The following PSG7 variants were observed in gnomAD, a reference collection of about 807,000 sequenced individuals.
PSG7 encodes the protein pregnancy specific beta-1-glycoprotein 7.
In PSG7, 57 loss-of-function variants were observed where a neutral mutation model predicts 45.6. That is an observed-to-expected ratio of 1.25 (90% CI 1.01 to 1.56). The LOEUF (loss-of-function observed/expected upper bound fraction) is 1.56. Among genes scored for constraint, PSG7 ranks in the 40% most tolerant of loss-of-function variants. PSG7 has a pLI of 0.00. For missense variants in PSG7, 796 were observed against 508.4 expected (o/e 1.57, Z -5.44); for synonymous variants, 298 against 194.4 (o/e 1.53, Z -4.43).
intron 2 of PSG7, among the ~76,000 whole-genome samples, chr19:42,934,388 A>T (rs967820510): frequency 1.3e-5 from 2 of 150,732 alleles, no homozygotes; most frequent in African/African-American, 2.5e-5. Flanking sequence ...CTTCTGGTGG[A>T]GGAGAGGATG....
intron 1 of PSG7, 89 bp downstream of exon 1, chr19:42,936,924 T>G: frequency 6.4e-7 from 1 of 1,564,028 alleles, no homozygotes; most frequent in Non-Finnish European, 8.8e-7. Context: ...TGGCTTCTTT[T>G]ATTTTTTAGA....
At chr19:42,929,319 C>A in intron 3 of PSG7, 123 bp downstream of exon 3, 3 of 1,582,846 alleles carry the variant, frequency 1.9e-6, no homozygotes, top group Non-Finnish European at 2.6e-6. Context: ...AAGTCACCAC[C>A]AGCTTTGATG....
rs1568461441 is a variant in PSG7, at chr19:42,935,915, A to ACACACAAAC, written c.65-147_65-146insGTTTGTGTG. On this transcript the variant is annotated intron_variant, in intron 1 of 5. Coordinates refer to ENST00000406070, the MANE Select transcript of PSG7 (RefSeq NM_002783.3). ...ACACACACACACACACACACACACA[A>ACACACAAAC]ACACACACACACACATATAAAAGGG... 8 of 322,626 alleles carry ACACACAAAC rather than the reference A, an allele frequency of 2.5e-5. 1 individual carries two copies. Among genetic ancestry groups the ACACACAAAC allele is most frequent in the Middle Eastern group, 1.0e-3 (1 of 1,000 alleles). The allele number at this position is 322,626 out of a possible 1,614,324, so 20.0% of individuals were successfully genotyped here. A position where few individuals can be genotyped will look rare whatever the true frequency, so the allele number is the denominator to read the frequency against.
At chr19:42,930,280 T>A (rs1440428298) in intron 2 of PSG7, among the ~76,000 whole-genome samples, 2 of 151,508 alleles carry the variant, frequency 1.3e-5, no homozygotes, top group Admixed American at 1.3e-4. Flanking sequence ...GTCAGTTCAG[T>A]CATCAGGCAG....
At position 42,924,730 on chromosome 19, in the gene PSG7, A is replaced by C; in HGVS notation, c.*78T>G. ...ACATTGAGTTGTCCAACTCTGACTTATAGGGCTTCTGGAACAGAGTGGGTC... is the reference window on the plus strand; with the variant it reads ...ACATTGAGTTGTCCAACTCTGACTTCTAGGGCTTCTGGAACAGAGTGGGTC... On this transcript the variant is annotated 3_prime_UTR_variant, in exon 6 of 6. Coordinates refer to ENST00000406070, the MANE Select transcript of PSG7 (RefSeq NM_002783.3). The C allele has an allele frequency of 1.3e-6, 1 of 767,448 alleles. No individual in the cohort carries two copies. Among genetic ancestry groups the C allele is most frequent in the Non-Finnish European group, 2.4e-6 (1 of 417,494 alleles). 47.5% of individuals were successfully genotyped at this position (767,448 alleles called of 1,614,324 possible). A position where few individuals can be genotyped will look rare whatever the true frequency, so the allele number is the denominator to read the frequency against.
intron 2 of PSG7, among the ~76,000 whole-genome samples, chr19:42,932,895 A>G (rs1247707168): frequency 2.0e-5 from 3 of 151,204 alleles, no homozygotes; most frequent in African/African-American, 4.9e-5. Flanking sequence ...AAAATTTGTA[A>G]CTAATTGCTC....
chr19:42,928,636 A>AG (rs1972946476), intron 3 of PSG7, among the ~76,000 whole-genome samples: 1 of 151,464 alleles, frequency 6.6e-6, no homozygotes, highest in Admixed American at 6.6e-5. Flanking sequence ...TGAAGGGTAC[A>AG]GGCAAAACCT....
intron 3 of PSG7, chr19:42,927,033 T>C: frequency 2.4e-6 from 1 of 425,262 alleles, no homozygotes; most frequent in Admixed American, 3.8e-5. Flanking sequence ...GTTGACTGGC[T>C]GGCTCACCCT....
Position 42,932,385 on chromosome 19 carries a change from C to T in PSG7, c.431-2665G>A, listed in dbSNP as rs1342262805. 2.6e-5 allele frequency among the ~76,000 whole-genome samples: 4 copies of T among 151,410 alleles called. No homozygotes were observed. In the East Asian group the frequency reaches 5.8e-4, roughly 22 times the overall value. On this transcript the variant is annotated intron_variant, in intron 2 of 5. Coordinates refer to ENST00000406070, the MANE Select transcript of PSG7 (RefSeq NM_002783.3). Reference sequence around the variant, plus strand: ...TCAGCGTTTTACTTAGTGTTAGAACCGAGTGACAAATTCCAAGCTTGTTAT... The same window carrying T: ...TCAGCGTTTTACTTAGTGTTAGAACTGAGTGACAAATTCCAAGCTTGTTAT...
chr19:42,935,194 A>G (rs111396897), intron 2 of PSG7, among the ~76,000 whole-genome samples: 1,530 of 151,918 alleles, frequency 0.01, 1 homozygote, highest in African/African-American at 0.034. Context: ...CCTCTGCAGC[A>G]AGTTTCTGCA....
At chr19:42,931,358 G>T (rs1600568711) in intron 2 of PSG7, among the ~76,000 whole-genome samples, 2 of 151,488 alleles carry the variant, frequency 1.3e-5, no homozygotes, top group African/African-American at 4.9e-5. Flanking sequence ...TGAATTAGCA[G>T]CTCCTTAAGT....
intron 2 of PSG7, among the ~76,000 whole-genome samples, chr19:42,935,038 C>G (rs1484286217): frequency 6.6e-6 from 1 of 151,434 alleles, no homozygotes; most frequent in Non-Finnish European, 1.5e-5. Flanking sequence ...TAGGGCTGAG[C>G]TTCTCTGAGG....
chr19:42,929,677 G>A lies in PSG7; in HGVS notation c.474C>T (p.Pro158=). The change falls in exon 3 of 6, where the codon CCC becomes CCT. Residue 158 remains proline (P), a synonymous_variant. Transcript: ENST00000406070. ...AAATCACAGCCTCCGTGGCCTCCCTGGGGTTGAAATTGCTGCTGGAGATGG... is the reference window on the plus strand; with the variant it reads ...AAATCACAGCCTCCGTGGCCTCCCTAGGGTTGAAATTGCTGCTGGAGATGG... ...KPSISSSNFN[P]REATEAVILT... is the part of the protein sequence containing the mutation. 1 of 1,612,394 alleles carries A rather than the reference G, an allele frequency of 6.2e-7. No homozygotes were observed. The highest frequency in any genetic ancestry group is 8.5e-7 in the Non-Finnish European group (1 of 1,179,160).
intron 2 of PSG7, among the ~76,000 whole-genome samples, chr19:42,933,720 C>A (rs1600571706): frequency 1.3e-5 from 2 of 151,054 alleles, no homozygotes; most frequent in Non-Finnish European, 1.5e-5. Flanking sequence ...CACAGAGAAG[C>A]AGAGAGAGGC....
chr19:42,924,309 A>C lies in PSG7; in HGVS notation c.*499T>G. 1 of 353,438 alleles carries C rather than the reference A, an allele frequency of 2.8e-6. No homozygotes were observed. 21.9% of individuals were successfully genotyped at this position (353,438 alleles called of 1,614,324 possible). A position where few individuals can be genotyped will look rare whatever the true frequency, so the allele number is the denominator to read the frequency against. ...CCATCTTCTCTGCAAACACACAGGC[A>C]ATATCTCTGTGTTCATTTCTATTGG... is the stretch of plus-strand genomic sequence containing the variant. On this transcript the variant is annotated 3_prime_UTR_variant, in exon 6 of 6. Coordinates refer to ENST00000406070, the MANE Select transcript of PSG7 (RefSeq NM_002783.3).
chr19:42,935,880 A>ACACC (rs1829884399), intron 1 of PSG7, 111 bp from the exon 2 acceptor site: 1 of 722,000 alleles, frequency 1.4e-6, no homozygotes, highest in Admixed American at 4.5e-5. Flanking sequence ...GAAGACACAC[A>ACACC]CACACACACA....
chr19:42,926,888 C>T (rs147957154), intron 3 of PSG7, 172 bp from the exon 4 acceptor site: 157,945 of 1,266,092 alleles, frequency 0.12, 12,644 homozygotes, highest in Admixed American at 0.18. Context: ...GGCTCAAAGA[C>T]TGTGAGGCCA....
chr19:42,930,774 A>G (rs1271770624), intron 2 of PSG7, among the ~76,000 whole-genome samples: 2 of 151,596 alleles, frequency 1.3e-5, no homozygotes, highest in Non-Finnish European at 2.9e-5. Context: ...GATTAGGGGA[A>G]TAGGGCACTG....
chr19:42,929,214 A>G (rs1972962290), intron 3 of PSG7: 2 of 1,030,600 alleles, frequency 1.9e-6, no homozygotes. Flanking sequence ...TTCTTCCATC[A>G]CAAGCTGTGG....
Sources: allele counts gnomAD v4.1 joint callset (sites outside exome capture counted in the v4.1 genomes callset), GRCh38; gene constraint gnomAD v4.1.1; transcripts MANE v1.5; gene names NCBI Gene and HGNC (gene_info 2026-07-23, HGNC 2026-07-21).